The following CHSY3 variants were observed in gnomAD, a reference collection of about 807,000 sequenced individuals.
CHSY3 encodes chondroitin sulfate synthase 3.
A neutral mutation model predicts 67.2 loss-of-function variants in CHSY3; 35 were observed. The ratio of observed to expected loss-of-function variants is 0.52; its 90% CI spans 0.40 to 0.69. The LOEUF (loss-of-function observed/expected upper bound fraction) is 0.69, where lower values mean the gene tolerates loss of function less well. Among genes scored for constraint, CHSY3 ranks in the 30% least tolerant of loss-of-function variants. The pLI is 0.00. For synonymous variants in CHSY3, 474 were observed against 434.7 expected (o/e 1.09, Z -1.12); for missense variants, 1,069 against 1,138.5 (o/e 0.94, Z 0.88).
intron 2 of CHSY3, among the ~76,000 whole-genome samples, chr5:130,129,743 G>T (rs187930475): frequency 1.5e-4 from 23 of 152,212 alleles, no homozygotes; most frequent in African/African-American, 4.8e-4. Flanking sequence ...GTTTCTAGTT[G>T]TGTGTTCTTG....
intron 2 of CHSY3, among the ~76,000 whole-genome samples, chr5:130,047,325 C>G (rs1765183377): frequency 6.6e-6 from 1 of 152,000 alleles, no homozygotes; most frequent in Admixed American, 6.6e-5. Context: ...ATCCAACAAA[C>G]CTTTCTTTTT....
intron 2 of CHSY3, among the ~76,000 whole-genome samples, chr5:129,908,673 C>A (rs1306305084): frequency 6.6e-6 from 1 of 152,106 alleles, no homozygotes; most frequent in Admixed American, 6.5e-5. Context: ...TTTCCCTTTT[C>A]TAACAAGAGG....
At chr5:129,905,915 C>T (rs889604027) in intron 1 of CHSY3, 2 of 589,002 alleles carry the variant, frequency 3.4e-6, no homozygotes, top group Non-Finnish European at 5.5e-6. Context: ...GTCTTTACCT[C>T]GTCGGAGAGG....
intron 2 of CHSY3, among the ~76,000 whole-genome samples, chr5:129,966,092 G>T (rs1580591361): frequency 6.6e-6 from 1 of 151,824 alleles, no homozygotes; most frequent in African/African-American, 2.4e-5. Context: ...TGTATTATAG[G>T]CTGTTAGAGA....
chr5:129,915,305 G>T (rs1436528120), intron 2 of CHSY3, among the ~76,000 whole-genome samples: 1 of 152,130 alleles, frequency 6.6e-6, no homozygotes, highest in Non-Finnish European at 1.5e-5. Context: ...AGGAGTTGCA[G>T]TTCTTCACAA....
chr5:130,091,138 A>ACACACACACACG (rs201758100), intron 2 of CHSY3, among the ~76,000 whole-genome samples: 76 of 98,972 alleles, frequency 7.7e-4, no homozygotes, highest in African/African-American at 2.6e-3. Flanking sequence ...ACACACACGC[A>ACACACACACACG]CACGCGCGCA....
At chr5:130,103,454 C>T (rs893093687) in intron 2 of CHSY3, among the ~76,000 whole-genome samples, 12 of 151,926 alleles carry the variant, frequency 7.9e-5, no homozygotes, top group African/African-American at 2.7e-4. Flanking sequence ...CCTAAATGTT[C>T]TCTTTATGTG....
intron 2 of CHSY3, among the ~76,000 whole-genome samples, chr5:130,162,057 A>AAGAAAAG (rs1554087187): frequency 8.1e-6 from 1 of 122,980 alleles, no homozygotes; most frequent in African/African-American, 3.1e-5. Flanking sequence ...AAAAAAAAAA[A>AAGAAAAG]AAAGAAAGAA....
At chr5:129,941,563 A>G (rs62391385) in intron 2 of CHSY3, among the ~76,000 whole-genome samples, 77,123 of 151,982 alleles carry the variant, frequency 0.51, 20,356 homozygotes, top group Middle Eastern at 0.6. Flanking sequence ...AAATTTTCAT[A>G]CTATGAATAC....
chr5:129,926,390 T>G (rs1259598509), intron 2 of CHSY3, among the ~76,000 whole-genome samples: 1 of 151,982 alleles, frequency 6.6e-6, no homozygotes, highest in Non-Finnish European at 1.5e-5. Context: ...GAGTTTAGAT[T>G]TATGAACATA....
At chr5:129,964,612 C>T (rs975975341) in intron 2 of CHSY3, among the ~76,000 whole-genome samples, 1 of 151,728 alleles carries the variant, frequency 6.6e-6, no homozygotes, top group Non-Finnish European at 1.5e-5. Flanking sequence ...CTTATTTTAA[C>T]AGCCACTCTT....
chr5:129,946,440 C>G (rs1024145149), intron 2 of CHSY3, among the ~76,000 whole-genome samples: 2 of 151,978 alleles, frequency 1.3e-5, no homozygotes, highest in African/African-American at 4.8e-5. Context: ...TAAATTTAAG[C>G]GACTGTTTTG....
At chr5:130,176,627 A>G (rs906102005) in intron 2 of CHSY3, among the ~76,000 whole-genome samples, 2 of 152,238 alleles carry the variant, frequency 1.3e-5, no homozygotes, top group Non-Finnish European at 2.9e-5. Flanking sequence ...GATAAAGAAA[A>G]TGTCACACAT....
chr5:130,181,832 G>A (rs1267485838), intron 2 of CHSY3, among the ~76,000 whole-genome samples: 1 of 151,992 alleles, frequency 6.6e-6, no homozygotes, highest in Non-Finnish European at 1.5e-5. Flanking sequence ...ATTCATCCAT[G>A]TTGTTGCAAG....
At chr5:130,078,749 A>T (rs1311521161) in intron 2 of CHSY3, among the ~76,000 whole-genome samples, 1 of 152,130 alleles carries the variant, frequency 6.6e-6, no homozygotes, top group Non-Finnish European at 1.5e-5. Context: ...AGCAGACCTT[A>T]TTCTTTTGCT....
intron 2 of CHSY3, chr5:130,140,106 G>A: frequency 4.6e-6 from 1 of 218,828 alleles, no homozygotes; most frequent in Non-Finnish European, 9.0e-6. Context: ...GCATGAACAA[G>A]TAGAGATAAT....
chr5:130,182,267 T>C (rs1357561378), intron 2 of CHSY3, among the ~76,000 whole-genome samples: 1 of 152,152 alleles, frequency 6.6e-6, no homozygotes, highest in Non-Finnish European at 1.5e-5. Context: ...AATGTTTTTA[T>C]ATGTCTATTG....
chr5:129,991,756 G>A (rs1027114661), intron 2 of CHSY3, among the ~76,000 whole-genome samples: 29 of 152,154 alleles, frequency 1.9e-4, no homozygotes, highest in Non-Finnish European at 8.8e-5. Context: ...AGAAAAGAAA[G>A]AGTAGGGGGA....
chr5:130,018,981 T>G (rs1764290372), intron 2 of CHSY3, among the ~76,000 whole-genome samples: 1 of 152,100 alleles, frequency 6.6e-6, no homozygotes, highest in Non-Finnish European at 1.5e-5. Flanking sequence ...TCTGCCGTGT[T>G]TTGATGCCGC....
Sources: gnomAD v4.1 joint callset for allele counts (sites outside exome capture counted in the v4.1 genomes callset) on GRCh38, gnomAD v4.1.1 for gene constraint, MANE v1.5 for transcripts, NCBI Gene and HGNC (gene_info 2026-07-23, HGNC 2026-07-21) for gene names.